PPM1L: variants seen among roughly 807,000 people sequenced by gnomAD.
PPM1L encodes protein phosphatase, Mg2+/Mn2+ dependent 1L, also known as protein phosphatase 1L.
Under a neutral mutation model 31.4 loss-of-function variants are expected in PPM1L, and 13 were observed. The ratio of observed to expected loss-of-function variants is 0.41; its 90% CI spans 0.27 to 0.66. The LOEUF is 0.66. Among genes scored for constraint, PPM1L ranks in the 30% least tolerant of loss-of-function variants. The pLI is 0.29. For synonymous variants in PPM1L, 184 were observed against 175.4 expected (o/e 1.05, Z -0.39); for missense variants, 326 against 453.7 (o/e 0.72, Z 2.56).
intron 1 of PPM1L, among the ~76,000 whole-genome samples, chr3:160,925,569 G>A (rs1466679089): frequency 2.0e-5 from 3 of 152,062 alleles, no homozygotes; most frequent in African/African-American, 4.8e-5. Flanking sequence ...AAACTAACCC[G>A]CCATTACTGG....
chr3:160,929,775 C>G (rs748419044), intron 1 of PPM1L, among the ~76,000 whole-genome samples: 16 of 152,218 alleles, frequency 1.1e-4, no homozygotes, highest in South Asian at 8.3e-4. Flanking sequence ...GCTCTCTCCC[C>G]CTTGTGGCTC....
At chr3:160,833,129 A>G (rs1374907411) in intron 1 of PPM1L, among the ~76,000 whole-genome samples, 1 of 152,222 alleles carries the variant, frequency 6.6e-6, no homozygotes, top group African/African-American at 2.4e-5. Context: ...ATAGTATTCC[A>G]TGGTGTGTAT....
chr3:161,057,253 G>A (rs987359243), intron 2 of PPM1L, among the ~76,000 whole-genome samples: 3 of 152,022 alleles, frequency 2.0e-5, no homozygotes, highest in African/African-American at 4.8e-5. Flanking sequence ...GGTCTCTGTT[G>A]TCATCCCTTC....
At position 161,074,617 on chromosome 3, in the gene PPM1L, G is replaced by A. The variant is rs1234702421; in HGVS notation, c.*5460G>A. 6.6e-6 allele frequency: 1 copy of A among 152,140 alleles called. No individual in the cohort carries two copies. The highest frequency in any genetic ancestry group is 1.5e-5 in the Non-Finnish European group (1 of 68,028). The allele number at this position is 152,140 out of a possible 1,614,324, so 9.4% of individuals were successfully genotyped here. A position where few individuals can be genotyped will look rare whatever the true frequency, so the allele number is the denominator to read the frequency against. ...CATTTCTAAACATTTTTTCTAATAT[G>A]TAAATTTGCTGATCCTTAGTAATGT... On this transcript the variant is annotated 3_prime_UTR_variant, in exon 4 of 4. Coordinates refer to ENST00000498165, the MANE Select transcript of PPM1L (RefSeq NM_139245.4).
intron 1 of PPM1L, among the ~76,000 whole-genome samples, chr3:160,954,685 A>G (rs575580224): frequency 6.6e-6 from 1 of 152,054 alleles, no homozygotes; most frequent in Non-Finnish European, 1.5e-5. Context: ...TTTATTATGA[A>G]TATTTTCCTA....
chr3:160,763,383 A>G (rs916713206), intron 1 of PPM1L, among the ~76,000 whole-genome samples: 4 of 152,244 alleles, frequency 2.6e-5, no homozygotes, highest in African/African-American at 9.6e-5. Context: ...TAATGCAGGT[A>G]AATGGGAAGA....
chr3:160,807,484 T>G (rs1712639546), intron 1 of PPM1L, among the ~76,000 whole-genome samples: 1 of 152,224 alleles, frequency 6.6e-6, no homozygotes, highest in Non-Finnish European at 1.5e-5. Context: ...TTATTGAGTT[T>G]CCAATGCCAA....
intron 2 of PPM1L, among the ~76,000 whole-genome samples, chr3:161,005,225 A>C (rs190498226): frequency 0.01 from 1,597 of 152,252 alleles, 28 homozygotes; most frequent in African/African-American, 0.037. Context: ...GTTTTGAGTG[A>C]GATTCTTAAT....
rs1190050092 is a variant in PPM1L, at chr3:160,979,901, G to GA, written c.574+17993dup. On this transcript the variant is annotated intron_variant, in intron 2 of 3. Transcript: ENST00000498165. ...GTATCTTTGGAATAAGTCGACAAAG[G>GA]AACTCAGCAACAAGACCAGACATCA... Among the ~76,000 whole-genome samples the GA allele has an allele frequency of 2.1e-4, 32 of 151,844 alleles. 1 individual carries two copies. The highest frequency in any genetic ancestry group is 4.0e-4 in the Non-Finnish European group (27 of 67,962).
intron 1 of PPM1L, chr3:160,842,268 C>T (rs1234563930): frequency 1.4e-6 from 1 of 702,392 alleles, no homozygotes; most frequent in South Asian, 1.5e-5. Context: ...GAGGGCTAGA[C>T]CAGAACATGC....
intron 2 of PPM1L, among the ~76,000 whole-genome samples, chr3:161,051,350 G>C (rs1039387059): frequency 1.3e-5 from 2 of 148,938 alleles, no homozygotes; most frequent in Non-Finnish European, 3.0e-5. Flanking sequence ...GAGGGAACAA[G>C]GAACACAGAA....
intron 2 of PPM1L, among the ~76,000 whole-genome samples, chr3:161,008,676 T>C (rs1007267146): frequency 4.6e-5 from 7 of 152,016 alleles, no homozygotes; most frequent in Admixed American, 3.3e-4. Flanking sequence ...GGATGTGAAG[T>C]GTAGGAAAAA....
chr3:161,010,257 G>T (rs1377316900), intron 2 of PPM1L, among the ~76,000 whole-genome samples: 3 of 152,048 alleles, frequency 2.0e-5, no homozygotes, highest in South Asian at 2.1e-4. Context: ...GCAGTGTTTG[G>T]TTTTTTGTCC....
At chr3:160,776,114 T>G (rs1487296460) in intron 1 of PPM1L, among the ~76,000 whole-genome samples, 1 of 152,254 alleles carries the variant, frequency 6.6e-6, no homozygotes, top group African/African-American at 2.4e-5. Flanking sequence ...TCTTCTACAT[T>G]AACTATTAAG....
chr3:160,967,980 G>T (rs1242951008), intron 2 of PPM1L, among the ~76,000 whole-genome samples: 2 of 151,964 alleles, frequency 1.3e-5, no homozygotes, highest in Non-Finnish European at 2.9e-5. Context: ...TGTAGCTATG[G>T]CTTTTCTGCT....
intron 1 of PPM1L, among the ~76,000 whole-genome samples, chr3:160,759,251 C>T (rs879545677): frequency 5.3e-5 from 8 of 152,008 alleles, no homozygotes; most frequent in Admixed American, 1.3e-4. Context: ...ATGGTGCAGA[C>T]GATAAATGAG....
Position 160,756,711 on chromosome 3 carries a change from G to A in PPM1L, c.399+4G>A, listed in dbSNP as rs768715546. ...CTTCGACGGGCACGGGGGAGAGGTAGGAGCTACCCCGGGGCTTTGTATTTG... is the reference window on the plus strand; with the variant it reads ...CTTCGACGGGCACGGGGGAGAGGTAAGAGCTACCCCGGGGCTTTGTATTTG... On this transcript the variant is annotated splice_donor_region_variant and intron_variant, in intron 1 of 3. Coordinates refer to ENST00000498165, the MANE Select transcript of PPM1L (RefSeq NM_139245.4). This position sits in a 1 kb window ranked among gnomAD's most constrained non-coding sequence, Gnocchi z 6.2. The A allele has an allele frequency of 1.9e-6, 3 of 1,612,442 alleles. No homozygotes were observed. The East Asian group carries it at 6.7e-5, about 36-fold the overall frequency.
chr3:160,947,122 C>T (rs917858778), intron 1 of PPM1L, among the ~76,000 whole-genome samples: 9 of 152,252 alleles, frequency 5.9e-5, no homozygotes, highest in Admixed American at 3.9e-4. Context: ...CTCATTAGGC[C>T]TAACCTTGTT....
At chr3:161,058,273 T>C (rs915145230) in intron 2 of PPM1L, among the ~76,000 whole-genome samples, 20 of 151,456 alleles carry the variant, frequency 1.3e-4, no homozygotes, top group African/African-American at 4.4e-4. Context: ...TACAGGCATG[T>C]GCCACTACAC....
Sources: allele counts gnomAD v4.1 joint callset (sites outside exome capture counted in the v4.1 genomes callset), GRCh38; gene constraint gnomAD v4.1.1; non-coding constraint Gnocchi (gnomAD v3.1); transcripts MANE v1.5; gene names NCBI Gene and HGNC (gene_info 2026-07-23, HGNC 2026-07-21).